The following XKR4 variants were observed in gnomAD, a reference collection of about 807,000 sequenced individuals.
XKR4 encodes the protein XK-related protein 4.
XKR4 carries 12 observed loss-of-function variants against 53.9 expected under a neutral mutation model. The ratio of observed to expected loss-of-function variants is 0.22; its 90% CI spans 0.14 to 0.36. XKR4 has a LOEUF of 0.36. XKR4 is among the 10% of genes least tolerant of loss of function. XKR4 has a pLI of 1.00. For synonymous variants in XKR4, 354 were observed against 362.4 expected (o/e 0.98, Z 0.26); for missense variants, 799 against 859.5 (o/e 0.93, Z 0.88).
chr8:55,285,848 C>G (rs529084171), intron 1 of XKR4, among the ~76,000 whole-genome samples: 2 of 152,316 alleles, frequency 1.3e-5, no homozygotes, highest in East Asian at 3.9e-4. Context: ...ACCCCTCCCC[C>G]AAAACAGCCA....
rs140731209 is a variant in XKR4 at position 55,523,356 on chromosome 8, G to A, written c.1082G>A (p.Arg361Gln). 29 of 1,614,144 alleles carry A rather than the reference G, an allele frequency of 1.8e-5. No individual in the cohort carries two copies. Among genetic ancestry groups the A allele is most frequent in the Non-Finnish European group, 2.4e-5 (28 of 1,180,018 alleles). Residue 361 changes from arginine (R) to glutamine (Q), a missense_variant, in exon 3 of 3, where the codon CGA becomes CAA. Transcript: ENST00000327381. ...ASYQKALRDS[R>Q]DDKKPISYMA... ...TACCAGAAGGCCCTCCGGGACTCTC[G>A]AGATGACAAGAAGCCCATCAGCTAC...
At chr8:55,127,978 T>C (rs1475160580) in intron 1 of XKR4, among the ~76,000 whole-genome samples, 5 of 152,068 alleles carry the variant, frequency 3.3e-5, no homozygotes, top group Admixed American at 6.5e-5. Context: ...TCCAGTCTAT[T>C]ATTGTTGGAC....
intron 2 of XKR4, among the ~76,000 whole-genome samples, chr8:55,382,483 T>G (rs1039872286): frequency 6.6e-6 from 1 of 152,178 alleles, no homozygotes; most frequent in Non-Finnish European, 1.5e-5. Flanking sequence ...TTTATAGCAA[T>G]AAAGGTAATC....
chr8:55,286,585 AGCAGCAGGG>A, intron 1 of XKR4, among the ~76,000 whole-genome samples: 2 of 152,200 alleles, frequency 1.3e-5, no homozygotes, highest in Non-Finnish European at 2.9e-5. Context: ...AGCGCCCTCC[AGCAGCAGGG>A]CTGTTGGAGG....
chr8:55,479,141 T>G (rs1806056777), intron 2 of XKR4, among the ~76,000 whole-genome samples: 1 of 152,108 alleles, frequency 6.6e-6, no homozygotes, highest in South Asian at 2.1e-4. Context: ...AGTGATCACA[T>G]GCTTGGAAGT....
chr8:55,172,715 A>G (rs1817179481), intron 1 of XKR4, among the ~76,000 whole-genome samples: 1 of 152,356 alleles, frequency 6.6e-6, no homozygotes, highest in South Asian at 2.1e-4. Flanking sequence ...CAGACAAAAA[A>G]GAAATGTTCT....
chr8:55,134,743 C>G (rs1055884261), intron 1 of XKR4, among the ~76,000 whole-genome samples: 1 of 152,214 alleles, frequency 6.6e-6, no homozygotes, highest in African/African-American at 2.4e-5. Flanking sequence ...TGGGCTCTTG[C>G]ACCAAATGAA....
At chr8:55,122,376 CTG>C (rs1324578977) in intron 1 of XKR4, among the ~76,000 whole-genome samples, 1 of 152,122 alleles carries the variant, frequency 6.6e-6, no homozygotes, top group Non-Finnish European at 1.5e-5. Context: ...ATACAAATAT[CTG>C]TGAAACTGAA....
intron 1 of XKR4, among the ~76,000 whole-genome samples, chr8:55,289,483 C>A (rs1235076841): frequency 6.8e-6 from 1 of 147,476 alleles, no homozygotes; most frequent in East Asian, 2.0e-4. Context: ...CCATTGCCTT[C>A]CAGCCTGGGA....
intron 2 of XKR4, among the ~76,000 whole-genome samples, chr8:55,391,526 G>T (rs1037187057): frequency 1.3e-5 from 2 of 152,072 alleles, no homozygotes; most frequent in East Asian, 3.9e-4. Flanking sequence ...AATATGTATG[G>T]TATATATCCT....
At chr8:55,429,638 G>A (rs1271150425) in intron 2 of XKR4, among the ~76,000 whole-genome samples, 1 of 151,738 alleles carries the variant, frequency 6.6e-6, no homozygotes, top group Non-Finnish European at 1.5e-5. Flanking sequence ...CACTGAGGTA[G>A]AAGGATCACT....
intron 1 of XKR4, among the ~76,000 whole-genome samples, chr8:55,325,107 G>A (rs1803274079): frequency 6.6e-6 from 1 of 152,116 alleles, no homozygotes; most frequent in Non-Finnish European, 1.5e-5. Flanking sequence ...CAAAGTAGAT[G>A]TTAAGTAAAT....
intron 1 of XKR4, among the ~76,000 whole-genome samples, chr8:55,238,022 G>C (rs1818158638): frequency 6.6e-6 from 1 of 152,176 alleles, no homozygotes; most frequent in African/African-American, 2.4e-5. Flanking sequence ...AGAAGTCTTG[G>C]TCACACATTT....
chr8:55,247,407 A>C lies in XKR4; in HGVS notation c.807-110271A>C, dbSNP rs376104150. 3.9e-5 allele frequency among the ~76,000 whole-genome samples: 6 copies of C among 152,312 alleles called. No individual in the cohort carries two copies. In the East Asian group the frequency reaches 1.2e-3, roughly 29 times the overall value. ...TTTATATGACATTGGTTTTCAAAGT[A>C]CTTGTATAAACATTAGCTCTTTTGA... is the stretch of plus-strand genomic sequence containing the variant. On this transcript the variant is annotated intron_variant, in intron 1 of 2. Coordinates refer to ENST00000327381, the MANE Select transcript of XKR4 (RefSeq NM_052898.2).
intron 1 of XKR4, chr8:55,161,518 G>A (rs1349502909): frequency 4.4e-6 from 2 of 455,808 alleles, no homozygotes; most frequent in Non-Finnish European, 8.8e-6. Flanking sequence ...AACAGAAAAG[G>A]GCAGGATGAG....
chr8:55,456,023 G>A (rs1468885596), intron 2 of XKR4, among the ~76,000 whole-genome samples: 3 of 152,178 alleles, frequency 2.0e-5, no homozygotes, highest in Non-Finnish European at 4.4e-5. Flanking sequence ...AGAATTCAGA[G>A]TTGCCATAAT....
At chr8:55,454,871 A>AGC (rs2129396987) in intron 2 of XKR4, 2 of 763,136 alleles carry the variant, frequency 2.6e-6, no homozygotes, top group East Asian at 4.9e-5. Context: ...TGGCATCCTT[A>AGC]GCGCGTGTCG....
At chr8:55,346,056 A>C (rs1481928066) in intron 1 of XKR4, among the ~76,000 whole-genome samples, 3 of 150,642 alleles carry the variant, frequency 2.0e-5, no homozygotes, top group African/African-American at 7.3e-5. Flanking sequence ...TTGTTTAGTG[A>C]GTATAGAATT....
chr8:55,186,547 T>G (rs900382359), intron 1 of XKR4, among the ~76,000 whole-genome samples: 4 of 151,840 alleles, frequency 2.6e-5, no homozygotes, highest in Non-Finnish European at 4.4e-5. Context: ...CCCCAGCTAC[T>G]CAGGAGGCTG....
Sources: gnomAD v4.1 joint callset for allele counts (sites outside exome capture counted in the v4.1 genomes callset) on GRCh38, gnomAD v4.1.1 for gene constraint, MANE v1.5 for transcripts, NCBI Gene and HGNC (gene_info 2026-07-23, HGNC 2026-07-21) for gene names.